The following ADD3 variants were observed in gnomAD, a reference collection of about 807,000 sequenced individuals.
The protein encoded by ADD3 is gamma-adducin.
Under a neutral mutation model 80.2 loss-of-function variants are expected in ADD3, and 25 were observed. The observed-to-expected ratio is 0.31, with a 90% CI of 0.23 to 0.44. The LOEUF (loss-of-function observed/expected upper bound fraction) is 0.44, where lower values mean the gene tolerates loss of function less well. ADD3 is among the 20% of genes least tolerant of loss of function. The pLI, the probability that ADD3 is intolerant of heterozygous loss-of-function variation, is 1.00. For synonymous variants in ADD3, 284 were observed against 289.6 expected, an observed-to-expected ratio of 0.98 and a Z score of 0.20; for missense variants, 829 against 847.5, an observed-to-expected ratio of 0.98 and a Z score of 0.27.
chr10:110,098,942 T>C (rs566167172), intron 1 of ADD3, among the ~76,000 whole-genome samples: 4 of 152,088 alleles, frequency 2.6e-5, no homozygotes, highest in African/African-American at 4.8e-5. Context: ...ACAGAAACTT[T>C]TTTGCCTCAC....
intron 1 of ADD3, among the ~76,000 whole-genome samples, chr10:110,073,530 C>T (rs766851148): frequency 9.2e-5 from 14 of 152,172 alleles, no homozygotes; most frequent in Admixed American, 9.2e-4. Context: ...GTAAAGTGCA[C>T]GGCACAGCAG....
intron 1 of ADD3, among the ~76,000 whole-genome samples, chr10:110,056,034 G>A (rs2133446327): frequency 6.6e-6 from 1 of 152,320 alleles, no homozygotes; most frequent in South Asian, 2.1e-4. Context: ...GCATATGTAT[G>A]AGTTTGTGAC....
intron 1 of ADD3, among the ~76,000 whole-genome samples, chr10:110,032,283 A>G (rs1470519230): frequency 6.6e-6 from 1 of 152,200 alleles, no homozygotes; most frequent in African/African-American, 2.4e-5. Flanking sequence ...GCTCGGAGAA[A>G]TAGTCCATGT....
chr10:110,004,902 A>T (rs1851569192), upstream of ADD3, among the ~76,000 whole-genome samples: 1 of 152,226 alleles, frequency 6.6e-6, no homozygotes, highest in South Asian at 2.1e-4. Context: ...ACATTTTAAT[A>T]GTGTAAATAG....
At chr10:110,095,291 T>G (rs74154978) in intron 1 of ADD3, among the ~76,000 whole-genome samples, 1,619 of 152,344 alleles carry the variant, frequency 0.011, 32 homozygotes, top group African/African-American at 0.038. Context: ...TTTAATATAG[T>G]CACAGAGTTG....
At chr10:110,004,918 T>C (rs774653286), upstream of ADD3, among the ~76,000 whole-genome samples, 1 of 152,202 alleles carries the variant, frequency 6.6e-6, no homozygotes. Context: ...AATAGCAGAT[T>C]CATATGCACT....
At chr10:110,038,631 G>C (rs1855939814) in intron 1 of ADD3, among the ~76,000 whole-genome samples, 1 of 152,112 alleles carries the variant, frequency 6.6e-6, no homozygotes, top group African/African-American at 2.4e-5. Flanking sequence ...TTGATGCACT[G>C]TTTCTTAAGG....
At chr10:110,066,824 T>G (rs910684255) in intron 1 of ADD3, among the ~76,000 whole-genome samples, 1 of 152,218 alleles carries the variant, frequency 6.6e-6, no homozygotes, top group Non-Finnish European at 1.5e-5. Flanking sequence ...TTTTTGGAAA[T>G]TCTAAAACGA....
chr10:110,070,292 T>G (rs1349119615), intron 1 of ADD3, among the ~76,000 whole-genome samples: 1 of 152,196 alleles, frequency 6.6e-6, no homozygotes, highest in Non-Finnish European at 1.5e-5. Context: ...TCAGAGACAA[T>G]GTCTCGTTCA....
At chr10:110,040,181 TA>T (rs199938906) in intron 1 of ADD3, among the ~76,000 whole-genome samples, 2 of 151,256 alleles carry the variant, frequency 1.3e-5, no homozygotes, top group East Asian at 1.9e-4. Context: ...AAGTTATTAT[TA>T]TTTTTTTTTT....
rs148105742 is a variant in ADD3, at chr10:110,118,019, TACACACACACACACACACACAC to T, written c.568-534_568-513del. Among the ~76,000 whole-genome samples the T allele has an allele frequency of 4.1e-3, 518 of 125,682 alleles. 5 individuals carry two copies. The highest frequency in any genetic ancestry group is 0.014 in the African/African-American group (474 of 34,434). The allele number at this position is 125,682 out of a possible 152,430, so 82.5% of individuals were successfully genotyped here. The stretch of plus-strand genomic sequence containing the variant: ...CTACAGGGCGAGACTCTGTCTTCAA[TACACACACACACACACACACAC>T]ACACACACACACACACACACACACA... On this transcript the variant is annotated intron_variant, in intron 5 of 14. Transcript: ENST00000356080.
chr10:110,009,882 A>G (rs1852126446), intron 1 of ADD3, among the ~76,000 whole-genome samples: 1 of 152,218 alleles, frequency 6.6e-6, no homozygotes. Flanking sequence ...ATGTATTGCT[A>G]CATTTTACAT....
intron 3 of ADD3, among the ~76,000 whole-genome samples, chr10:110,115,883 T>G (rs1472057630): frequency 6.6e-6 from 1 of 152,222 alleles, no homozygotes; most frequent in East Asian, 1.9e-4. Flanking sequence ...TCAAGAGAGA[T>G]AATAGAAAAG....
At chr10:110,008,847 C>T (rs151047616) in intron 1 of ADD3, among the ~76,000 whole-genome samples, 66 of 152,272 alleles carry the variant, frequency 4.3e-4, no homozygotes, top group Middle Eastern at 3.4e-3. Context: ...TCCCCACCCC[C>T]CAACACAGAC....
At chr10:110,020,251 T>A (rs927895031) in intron 1 of ADD3, among the ~76,000 whole-genome samples, 1 of 152,216 alleles carries the variant, frequency 6.6e-6, no homozygotes, top group Non-Finnish European at 1.5e-5. Flanking sequence ...AATTTGGCAG[T>A]AAGCAAAACA....
intron 1 of ADD3, among the ~76,000 whole-genome samples, chr10:110,019,438 T>A (rs1457173896): frequency 6.7e-6 from 1 of 149,876 alleles, no homozygotes; most frequent in Non-Finnish European, 1.5e-5. Flanking sequence ...CACTGCAACC[T>A]CCACCTCCTG....
At chr10:110,018,922 A>G (rs980553499) in intron 1 of ADD3, among the ~76,000 whole-genome samples, 1 of 152,212 alleles carries the variant, frequency 6.6e-6, no homozygotes, top group African/African-American at 2.4e-5. Context: ...CTGCTTTTAT[A>G]GGAATATCCT....
At chr10:110,075,773 T>C (rs1254233772) in intron 1 of ADD3, 2 of 152,182 alleles carry the variant, frequency 1.3e-5, no homozygotes, top group African/African-American at 4.8e-5. Flanking sequence ...CAGCAGGTGA[T>C]TGATAATTAC....
At chr10:110,070,156 A>G (rs901998394) in intron 1 of ADD3, among the ~76,000 whole-genome samples, 6 of 152,142 alleles carry the variant, frequency 3.9e-5, no homozygotes, top group African/African-American at 9.7e-5. Context: ...TAACCTTTCA[A>G]ATAGGCTCCT....
Sources: gnomAD v4.1 joint callset for allele counts (sites outside exome capture counted in the v4.1 genomes callset) on GRCh38, gnomAD v4.1.1 for gene constraint, MANE v1.5 for transcripts, NCBI Gene and HGNC (gene_info 2026-07-23, HGNC 2026-07-21) for gene names.